NLGN1: variants seen among roughly 807,000 people sequenced by gnomAD.
NLGN1 encodes neuroligin 1.
Under a neutral mutation model 65.5 loss-of-function variants are expected in NLGN1, and 12 were observed. The ratio of observed to expected loss-of-function variants is 0.18; its 90% CI spans 0.12 to 0.30. NLGN1 has a LOEUF of 0.30. NLGN1 is among the 10% of genes least tolerant of loss of function. The probability of loss-of-function intolerance (pLI) is 1.00; values close to 1 mark genes in which losing one functional copy is unlikely to be tolerated. For synonymous variants in NLGN1, 350 were observed against 359.5 expected (o/e 0.97, Z 0.30); for missense variants, 750 against 1,007.1 (o/e 0.74, Z 3.46).
intron 4 of NLGN1, among the ~76,000 whole-genome samples, chr3:174,018,491 A>T (rs1727073447): frequency 6.6e-6 from 1 of 152,166 alleles, no homozygotes; most frequent in African/African-American, 2.4e-5. Flanking sequence ...AATTTGAGGA[A>T]CTAATAAATG....
intron 4 of NLGN1, among the ~76,000 whole-genome samples, chr3:174,083,039 T>G (rs952588646): frequency 2.6e-5 from 4 of 152,228 alleles, no homozygotes; most frequent in African/African-American, 9.6e-5. Flanking sequence ...GTTTATTTTT[T>G]TCTACTTTAT....
intron 4 of NLGN1, among the ~76,000 whole-genome samples, chr3:173,911,930 G>A (rs1234215148): frequency 1.3e-5 from 2 of 152,124 alleles, no homozygotes; most frequent in East Asian, 3.9e-4. Flanking sequence ...TATGCCGATA[G>A]AGTTGCAAAC....
At chr3:173,527,352 A>G (rs1244829397) in intron 2 of NLGN1, among the ~76,000 whole-genome samples, 3 of 152,126 alleles carry the variant, frequency 2.0e-5, no homozygotes. Context: ...TGCCATTTGT[A>G]TGTCTTCATT....
At position 173,839,708 on chromosome 3, in the gene NLGN1, G is replaced by A. The variant is rs570454452; in HGVS notation, c.646+31876G>A. 6.6e-5 allele frequency among the ~76,000 whole-genome samples: 10 copies of A among 152,092 alleles called. No individual in the cohort carries two copies. In the South Asian group the frequency reaches 1.9e-3, roughly 29 times the overall value. On this transcript the variant is annotated intron_variant, in intron 4 of 6. Coordinates refer to ENST00000457714, the Ensembl canonical transcript of NLGN1. ...AGTGCTGGGATTACAGGCGTGAGCC[G>A]CTGCGCCCAGCCGAGAAGTTTTTAA...
chr3:174,181,450 A>G (rs771935758), intron 4 of NLGN1, among the ~76,000 whole-genome samples: 10 of 152,132 alleles, frequency 6.6e-5, no homozygotes, highest in East Asian at 5.8e-4. Flanking sequence ...TGTTACCTCT[A>G]TCACAGCACT....
chr3:174,013,459 C>A (rs953240340), intron 4 of NLGN1, among the ~76,000 whole-genome samples: 2 of 152,012 alleles, frequency 1.3e-5, no homozygotes, highest in Admixed American at 6.6e-5. Flanking sequence ...ATTTTAATAA[C>A]TCAAAAGCAG....
intron 2 of NLGN1, among the ~76,000 whole-genome samples, chr3:173,471,208 A>G (rs1372507323): frequency 6.6e-6 from 1 of 152,066 alleles, no homozygotes; most frequent in Non-Finnish European, 1.5e-5. Flanking sequence ...ATCTACAGGT[A>G]GATTGGTTTT....
chr3:173,951,457 C>CTTTTTTTTTTTTTTTTTTTTTTTTT (rs67595515), intron 4 of NLGN1, among the ~76,000 whole-genome samples: 1 of 142,606 alleles, frequency 7.0e-6, no homozygotes, highest in African/African-American at 2.6e-5. Context: ...AGGTATCATT[C>CTTTTTTTTTTTTTTTTTTTTTTTTT]TTTTTTTTTT....
intron 2 of NLGN1, among the ~76,000 whole-genome samples, chr3:173,441,553 CAG>C (rs1719204490): frequency 6.6e-6 from 1 of 151,978 alleles, no homozygotes; most frequent in Non-Finnish European, 1.5e-5. Flanking sequence ...GGAGGAGAGG[CAG>C]AGAGATAGGG....
intron 3 of NLGN1, among the ~76,000 whole-genome samples, chr3:173,662,377 C>A (rs893921458): frequency 6.6e-6 from 1 of 151,956 alleles, no homozygotes; most frequent in African/African-American, 2.4e-5. Context: ...TTAGTTTTCT[C>A]ACCTAAGAAA....
intron 4 of NLGN1, among the ~76,000 whole-genome samples, chr3:173,952,471 A>G (rs1490262865): frequency 6.6e-6 from 1 of 152,174 alleles, no homozygotes; most frequent in Non-Finnish European, 1.5e-5. Context: ...CAGTTATAGA[A>G]GCTAACAAAT....
chr3:173,460,332 T>G (rs1307865732), intron 2 of NLGN1, among the ~76,000 whole-genome samples: 1 of 152,134 alleles, frequency 6.6e-6, no homozygotes, highest in Non-Finnish European at 1.5e-5. Context: ...CAGAAAATGG[T>G]AAGCCTTCAG....
intron 4 of NLGN1, among the ~76,000 whole-genome samples, chr3:174,270,261 C>G (rs1749150788): frequency 6.8e-6 from 1 of 146,986 alleles, no homozygotes; most frequent in African/African-American, 2.5e-5. Flanking sequence ...AATTCTTAAT[C>G]TATATTTTAT....
At chr3:173,605,113 C>A in intron 3 of NLGN1, 22 bp downstream of exon 2, 1 of 1,553,324 alleles carries the variant, frequency 6.4e-7, no homozygotes, top group Non-Finnish European at 8.7e-7. Context: ...GCAGGAAAAA[C>A]AGGGAGATAT....
intron 4 of NLGN1, among the ~76,000 whole-genome samples, chr3:173,940,079 G>GATTTTTT (rs1745752029): frequency 3.3e-5 from 3 of 90,076 alleles, no homozygotes; most frequent in Admixed American, 9.5e-5. Flanking sequence ...AATAGTTATA[G>GATTTTTT]CTTTTTTTTT....
intron 4 of NLGN1, among the ~76,000 whole-genome samples, chr3:174,048,191 T>C (rs183252641): frequency 6.6e-6 from 1 of 152,240 alleles, no homozygotes; most frequent in East Asian, 1.9e-4. Context: ...TTTCATGGGA[T>C]TATTTTGATG....
intron 3 of NLGN1, among the ~76,000 whole-genome samples, chr3:173,700,861 C>T (rs1302379213): frequency 6.6e-6 from 1 of 152,170 alleles, no homozygotes; most frequent in Non-Finnish European, 1.5e-5. Context: ...CACGGTGGCT[C>T]AAGCCTGTAA....
In NLGN1 at chr3:173,991,632, G is replaced by A. The variant is rs116109900; in HGVS notation, c.646+183800G>A. On this transcript the variant is annotated intron_variant, in intron 4 of 6. Coordinates refer to ENST00000457714, the Ensembl canonical transcript of NLGN1. ...CATATCTGGCTTGTTCTACTATATT[G>A]GATATCACAGATTTAGAAGGAAGTA... is the stretch of plus-strand genomic sequence containing the variant. 3.0e-4 allele frequency among the ~76,000 whole-genome samples: 46 copies of A among 152,088 alleles called. No homozygotes were observed. In the East Asian group the frequency reaches 7.3e-3, roughly 24 times the overall value.
At chr3:173,835,536 G>T (rs1463605758) in intron 4 of NLGN1, among the ~76,000 whole-genome samples, 1 of 149,066 alleles carries the variant, frequency 6.7e-6, no homozygotes, top group African/African-American at 2.5e-5. Context: ...AACAATACAT[G>T]TTAGTATATG....
Sources: allele counts gnomAD v4.1 joint callset (sites outside exome capture counted in the v4.1 genomes callset), GRCh38; gene constraint gnomAD v4.1.1; transcripts MANE v1.5; gene names NCBI Gene and HGNC (gene_info 2026-07-23, HGNC 2026-07-21).